Variants in GALNT10 observed in about 807,000 individuals in gnomAD.
GALNT10 encodes GalNAc transferase 10.
GALNT10 carries 41 observed loss-of-function variants against 75.0 expected under a neutral mutation model. The ratio of observed to expected loss-of-function variants is 0.55; its 90% CI spans 0.43 to 0.71. The LOEUF is 0.71. GALNT10 is among the 30% of genes least tolerant of loss of function. GALNT10 has a pLI of 0.00. For missense variants in GALNT10, 727 were observed against 818.5 expected (o/e 0.89, Z 1.36); for synonymous variants, 302 against 313.0 (o/e 0.96, Z 0.37).
intron 1 of GALNT10, among the ~76,000 whole-genome samples, chr5:154,223,720 C>T (rs1181986174): frequency 6.6e-6 from 1 of 151,728 alleles, no homozygotes; most frequent in East Asian, 1.9e-4. Flanking sequence ...AGGAATTTGA[C>T]ACCAGCCTGG....
intron 1 of GALNT10, among the ~76,000 whole-genome samples, chr5:154,197,421 A>G (rs771901262): frequency 2.2e-4 from 33 of 152,132 alleles, no homozygotes; most frequent in Non-Finnish European, 3.7e-4. Flanking sequence ...GAGGAAGCTA[A>G]ACAATTCTGC....
intron 4 of GALNT10, among the ~76,000 whole-genome samples, chr5:154,347,481 G>A (rs1322594362): frequency 6.6e-6 from 1 of 151,178 alleles, no homozygotes; most frequent in Non-Finnish European, 1.5e-5. Flanking sequence ...ATCCTACCTC[G>A]CCTCCCAAGT....
At chr5:154,299,557 G>A (rs1282063863) in intron 3 of GALNT10, among the ~76,000 whole-genome samples, 1 of 152,206 alleles carries the variant, frequency 6.6e-6, no homozygotes, top group Non-Finnish European at 1.5e-5. Flanking sequence ...ATCTCAATCA[G>A]TAGAATGCAG....
chr5:154,392,348 T>G (rs1755912579), intron 7 of GALNT10: 1 of 152,146 alleles, frequency 6.6e-6, no homozygotes, highest in South Asian at 2.1e-4. Context: ...CCCACATCAG[T>G]GTTTTCAGTA....
chr5:154,308,013 CACAAAGAATAA>C (rs981357240), intron 3 of GALNT10, among the ~76,000 whole-genome samples: 1 of 146,064 alleles, frequency 6.8e-6, no homozygotes, highest in Non-Finnish European at 1.5e-5. Flanking sequence ...GATCTTTATT[CACAAAGAATAA>C]AGATCTCTAT....
intron 1 of GALNT10, among the ~76,000 whole-genome samples, chr5:154,192,447 T>C (rs1170947192): frequency 1.3e-5 from 2 of 152,218 alleles, no homozygotes; most frequent in African/African-American, 4.8e-5. Flanking sequence ...GTTCATGAAA[T>C]CTCTTTCCTC....
At chr5:154,231,517 G>A (rs1407955011) in intron 1 of GALNT10, among the ~76,000 whole-genome samples, 2 of 152,202 alleles carry the variant, frequency 1.3e-5, no homozygotes, top group African/African-American at 4.8e-5. Context: ...TAGCTGTGAA[G>A]TTGGGTTTTG....
chr5:154,219,838 T>TCTCTCTCACACACA (rs1491445463), intron 1 of GALNT10, among the ~76,000 whole-genome samples: 22 of 125,664 alleles, frequency 1.8e-4, no homozygotes, highest in African/African-American at 6.0e-4. Flanking sequence ...TCTCTCTCTC[T>TCTCTCTCACACACA]CACACACACA....
chr5:154,251,361 A>C (rs1275661969), intron 1 of GALNT10, among the ~76,000 whole-genome samples: 1 of 151,924 alleles, frequency 6.6e-6, no homozygotes, highest in Non-Finnish European at 1.5e-5. Context: ...TTTCCCCTTC[A>C]TTTTTTCTTT....
chr5:154,350,049 G>T (rs755918481), intron 4 of GALNT10, among the ~76,000 whole-genome samples: 1 of 152,240 alleles, frequency 6.6e-6, no homozygotes, highest in Non-Finnish European at 1.5e-5. Flanking sequence ...GATCATCACA[G>T]AAAATTCTGT....
chr5:154,201,594 T>C (rs1369052773), intron 1 of GALNT10, among the ~76,000 whole-genome samples: 2 of 152,142 alleles, frequency 1.3e-5, no homozygotes, highest in Non-Finnish European at 2.9e-5. Context: ...TTGTTGTTGT[T>C]GTTTTTAGCC....
At chr5:154,312,601 A>G (rs1196481576) in intron 3 of GALNT10, among the ~76,000 whole-genome samples, 1 of 152,206 alleles carries the variant, frequency 6.6e-6, no homozygotes, top group Admixed American at 6.5e-5. Context: ...GTAATATTCC[A>G]TAGGAATATA....
At chr5:154,400,727 C>T (rs116578711) in intron 7 of GALNT10, among the ~76,000 whole-genome samples, 2,402 of 152,202 alleles carry the variant, frequency 0.016, 56 homozygotes, top group African/African-American at 0.055. Context: ...GGAGGTGGCT[C>T]TTAAGGGGAC....
chr5:154,332,882 A>T (rs1754888737), intron 4 of GALNT10, among the ~76,000 whole-genome samples: 1 of 152,172 alleles, frequency 6.6e-6, no homozygotes, highest in Non-Finnish European at 1.5e-5. Context: ...ACTCAGCAGG[A>T]TCCCCCTCTG....
intron 1 of GALNT10, chr5:154,220,440 G>A (rs12516730): frequency 0.36 from 55,235 of 152,052 alleles, 12,031 homozygotes; most frequent in East Asian, 0.84. Context: ...GACACCAAGG[G>A]ATCAGGAAAT....
chr5:154,397,180 T>C (rs906024540), intron 7 of GALNT10, among the ~76,000 whole-genome samples: 2 of 135,542 alleles, frequency 1.5e-5, no homozygotes, highest in Non-Finnish European at 3.0e-5. Context: ...ACTAAAGTTG[T>C]TCTTTTCTAC....
At chr5:154,383,019 T>A (rs1755755844) in intron 6 of GALNT10, among the ~76,000 whole-genome samples, 2 of 152,204 alleles carry the variant, frequency 1.3e-5, no homozygotes, top group African/African-American at 4.8e-5. Context: ...CAAGAGCAGT[T>A]ACACTGGAGT....
At chr5:154,270,277 C>T (rs1461620903) in intron 1 of GALNT10, among the ~76,000 whole-genome samples, 1 of 146,994 alleles carries the variant, frequency 6.8e-6, no homozygotes, top group Admixed American at 6.9e-5. Flanking sequence ...GTAGGCATTC[C>T]TCATGCATAC....
intron 8 of GALNT10, among the ~76,000 whole-genome samples, chr5:154,405,680 C>G (rs576082061): frequency 1.3e-5 from 2 of 152,096 alleles, no homozygotes; most frequent in African/African-American, 2.4e-5. Context: ...GTTGATAAGG[C>G]TCACCTAAAA....
Sources: gnomAD v4.1 joint callset for allele counts (sites outside exome capture counted in the v4.1 genomes callset) on GRCh38, gnomAD v4.1.1 for gene constraint, MANE v1.5 for transcripts, NCBI Gene and HGNC (gene_info 2026-07-23, HGNC 2026-07-21) for gene names.